The following ARHGAP10 variants were observed in gnomAD, a reference collection of about 807,000 sequenced individuals.
The protein encoded by ARHGAP10 is Rho GTPase activating protein 10.
A neutral mutation model predicts 108.6 loss-of-function variants in ARHGAP10; 87 were observed. That is an observed-to-expected ratio of 0.80 (90% CI 0.67 to 0.96). The LOEUF (loss-of-function observed/expected upper bound fraction) is 0.96, where lower values mean the gene tolerates loss of function less well. Among genes scored for constraint, ARHGAP10 ranks in the 40% least tolerant of loss-of-function variants. ARHGAP10 has a pLI of 0.00. For missense variants in ARHGAP10, 939 were observed against 954.5 expected, an observed-to-expected ratio of 0.98 and a Z score of 0.21; for synonymous variants, 347 against 341.1, an observed-to-expected ratio of 1.02 and a Z score of -0.19.
At chr4:147,746,045 C>T (rs1345851583) in intron 1 of ARHGAP10, among the ~76,000 whole-genome samples, 2 of 152,046 alleles carry the variant, frequency 1.3e-5, no homozygotes, top group African/African-American at 2.4e-5. Context: ...GCCTCTGCCT[C>T]CCAAAGTGCT....
chr4:147,776,117 G>A (rs1242107338), intron 1 of ARHGAP10, among the ~76,000 whole-genome samples: 6 of 152,080 alleles, frequency 3.9e-5, no homozygotes, highest in East Asian at 1.9e-4. Context: ...TGGCCTCCTC[G>A]TAATCATTAA....
chr4:147,825,792 T>A (rs1732684282), intron 3 of ARHGAP10, among the ~76,000 whole-genome samples: 1 of 152,194 alleles, frequency 6.6e-6, no homozygotes, highest in Non-Finnish European at 1.5e-5. Flanking sequence ...TTCTTAACCC[T>A]CTTTGATAGT....
intron 1 of ARHGAP10, among the ~76,000 whole-genome samples, chr4:147,737,133 TTTA>T (rs1728450418): frequency 6.6e-6 from 1 of 152,028 alleles, no homozygotes; most frequent in African/African-American, 2.4e-5. Context: ...AGGTTTTTTA[TTTA>T]TTATTATTTT....
intron 10 of ARHGAP10, among the ~76,000 whole-genome samples, chr4:147,889,834 C>T (rs955896899): frequency 1.3e-5 from 2 of 151,970 alleles, no homozygotes; most frequent in Admixed American, 1.3e-4. Flanking sequence ...TTATTTGTGG[C>T]GTTATTTTAG....
chr4:147,833,293 A>G (rs1733026989), intron 3 of ARHGAP10, among the ~76,000 whole-genome samples: 2 of 152,144 alleles, frequency 1.3e-5, no homozygotes, highest in Non-Finnish European at 2.9e-5. Flanking sequence ...TGTTCTTGTT[A>G]TAGTGAGGGA....
intron 18 of ARHGAP10, among the ~76,000 whole-genome samples, chr4:148,011,941 C>T (rs764283616): frequency 1.3e-4 from 20 of 152,112 alleles, no homozygotes; most frequent in African/African-American, 2.2e-4. Flanking sequence ...TAACTAAACG[C>T]GTAAGAATAA....
chr4:147,886,979 A>G (rs1442984454), intron 10 of ARHGAP10, among the ~76,000 whole-genome samples: 1 of 151,066 alleles, frequency 6.6e-6, no homozygotes, highest in Non-Finnish European at 1.5e-5. Context: ...TTCACCTTGA[A>G]CTCCTGAACT....
At chr4:148,053,038 C>T (rs1419722956) in intron 20 of ARHGAP10, among the ~76,000 whole-genome samples, 1 of 152,120 alleles carries the variant, frequency 6.6e-6, no homozygotes, top group Non-Finnish European at 1.5e-5. Flanking sequence ...TTATGGGCCA[C>T]CAGACTTTGT....
chr4:147,865,047 A>G (rs1734497028), intron 6 of ARHGAP10, 91 bp downstream of exon 6: 2 of 1,110,006 alleles, frequency 1.8e-6, no homozygotes. Context: ...TATAGTTACT[A>G]GAGGCCATAG....
chr4:147,994,845 AAG>A (rs1740410805), intron 18 of ARHGAP10, among the ~76,000 whole-genome samples: 1 of 152,230 alleles, frequency 6.6e-6, no homozygotes, highest in African/African-American at 2.4e-5. Flanking sequence ...AATGACCGCT[AAG>A]AGGATTAGTC....
intron 13 of ARHGAP10, among the ~76,000 whole-genome samples, chr4:147,918,427 A>C (rs1406358452): frequency 6.6e-6 from 1 of 152,160 alleles, no homozygotes; most frequent in African/African-American, 2.4e-5. Flanking sequence ...GAGCCACTGC[A>C]CCCAGCCCTC....
At chr4:147,751,110 C>T (rs541920868) in intron 1 of ARHGAP10, among the ~76,000 whole-genome samples, 3 of 151,764 alleles carry the variant, frequency 2.0e-5, no homozygotes, top group South Asian at 4.2e-4. Flanking sequence ...ACCCGGAAGG[C>T]AGAGGTTGCA....
intron 1 of ARHGAP10, among the ~76,000 whole-genome samples, chr4:147,787,569 C>T (rs1730936236): frequency 6.6e-6 from 1 of 152,144 alleles, no homozygotes; most frequent in South Asian, 2.1e-4. Flanking sequence ...GAAAACTAAT[C>T]TGGCAGCAGT....
chr4:147,841,969 G>T (rs544670850), intron 3 of ARHGAP10, among the ~76,000 whole-genome samples: 2 of 152,256 alleles, frequency 1.3e-5, no homozygotes, highest in East Asian at 1.9e-4. Context: ...GTCTTGCTCT[G>T]TCACCCATGC....
At chr4:147,869,003 C>A (rs1436825286) in intron 7 of ARHGAP10, among the ~76,000 whole-genome samples, 1 of 152,134 alleles carries the variant, frequency 6.6e-6, no homozygotes, top group Non-Finnish European at 1.5e-5. Flanking sequence ...TGTGGAAATT[C>A]ACCTTGTCTG....
intron 1 of ARHGAP10, among the ~76,000 whole-genome samples, chr4:147,741,792 G>GCGCACACACA (rs984531598): frequency 1.9e-4 from 11 of 57,576 alleles, no homozygotes; most frequent in African/African-American, 3.4e-4. Flanking sequence ...ACACACACAC[G>GCGCACACACA]CACACACACA....
chr4:147,872,521 G>T (rs1205600553), intron 7 of ARHGAP10, among the ~76,000 whole-genome samples: 1 of 152,114 alleles, frequency 6.6e-6, no homozygotes, highest in Non-Finnish European at 1.5e-5. Flanking sequence ...ACTATGTTGG[G>T]GTTAGCACCC....
At position 147,966,788 on chromosome 4, in the gene ARHGAP10, C is replaced by T; in HGVS notation, c.1665C>T (p.Asp555=). ...PQEETVAALM[D]LKFQNIVVEI... is the part of the protein sequence containing the mutation. ...AAGAAACTGTCGCTGCCCTCATGGA[C>T]TTGAAGTTTCAGAATATTGTTGTGG... The change falls in exon 18 of 23, where the codon GAC becomes GAT. Residue 555 remains aspartate (D), a synonymous_variant. Transcript: ENST00000336498. The T allele has an allele frequency of 1.9e-6, 3 of 1,598,768 alleles. No individual in the cohort carries two copies. The highest frequency in any genetic ancestry group is 2.6e-6 in the Non-Finnish European group (3 of 1,169,554).
intron 18 of ARHGAP10, 192 bp from the exon 19 acceptor site, chr4:148,023,071 A>G: frequency 2.0e-6 from 1 of 511,880 alleles, no homozygotes; most frequent in South Asian, 4.1e-5. Flanking sequence ...TTAATCAGAG[A>G]TTTTATTTTG....
Sources: allele counts gnomAD v4.1 joint callset (sites outside exome capture counted in the v4.1 genomes callset), GRCh38; gene constraint gnomAD v4.1.1; transcripts MANE v1.5; gene names NCBI Gene and HGNC (gene_info 2026-07-23, HGNC 2026-07-21).